Variants in ECT2L observed in about 807,000 individuals in gnomAD.
The protein encoded by ECT2L is epithelial cell transforming 2 like.
ECT2L carries 126 observed loss-of-function variants against 122.8 expected under a neutral mutation model. That is an observed-to-expected ratio of 1.03 (90% CI 0.89 to 1.19). The LOEUF (loss-of-function observed/expected upper bound fraction) is 1.19. Among genes scored for constraint, ECT2L ranks in the 50% most tolerant of loss-of-function variants. The probability of loss-of-function intolerance (pLI) is 0.00; values close to 1 mark genes in which losing one functional copy is unlikely to be tolerated. For synonymous variants in ECT2L, 385 were observed against 381.8 expected (o/e 1.01, Z -0.10); for missense variants, 1,012 against 1,064.1 (o/e 0.95, Z 0.68).
In ECT2L at chr6:138,844,500, G is replaced by T; in HGVS notation, c.684G>T (p.Gln228His). The T allele has an allele frequency of 6.2e-7, 1 of 1,614,144 alleles. No homozygotes were observed. Among genetic ancestry groups the T allele is most frequent in the Non-Finnish European group, 8.5e-7 (1 of 1,180,018 alleles). Residue 228 changes from glutamine (Q) to histidine (H), a missense_variant, in exon 7 of 22, where the codon CAG (glutamine) becomes CAT (histidine). By Grantham distance (24) the Gln-to-His change is conservative. Transcript: ENST00000541398. ...LKPRCQPRLS[Q>H]TVRERVGLHE... ...CCAGATGCCAACCACGCCTCTCCCA[G>T]ACTGTAAGGGAGCGAGTGGGATTAC...
At chr6:138,885,982 G>A (rs568072588) in intron 18 of ECT2L, 152 bp downstream of exon 18, 18 of 722,172 alleles carry the variant, frequency 2.5e-5, no homozygotes, top group South Asian at 4.8e-5. Flanking sequence ...AGTGTGTTCC[G>A]TGATTTCCAA....
At chr6:138,896,845 G>A (rs747295676) in intron 20 of ECT2L, among the ~76,000 whole-genome samples, 10 of 151,904 alleles carry the variant, frequency 6.6e-5, no homozygotes, top group East Asian at 1.9e-4. Flanking sequence ...ACGGGGTTTC[G>A]CCATGTTGGC....
chr6:138,842,497 T>C (rs938613043), intron 5 of ECT2L, among the ~76,000 whole-genome samples: 4 of 148,670 alleles, frequency 2.7e-5, no homozygotes, highest in Admixed American at 1.3e-4. Context: ...AAAGTCCGGG[T>C]GCGGTGGTTC....
rs369869496 is a variant in ECT2L, at chr6:138,847,803, GC to G, written c.903+1127del. Among the ~76,000 whole-genome samples, 392 of 152,258 alleles carry G rather than the reference GC, an allele frequency of 2.6e-3. 3 individuals carry two copies. Among genetic ancestry groups the G allele is most frequent in the South Asian group, 0.014 (67 of 4,830 alleles). ...CACTCTTTTAGCTTCACCCATTGAT[GC>G]TACATGTAGACCTCTGTGTCTGAAC... On this transcript the variant is annotated intron_variant, in intron 8 of 21. Transcript: ENST00000541398.
intron 13 of ECT2L, 92 bp downstream of exon 13, chr6:138,868,298 C>A: frequency 1.9e-6 from 2 of 1,080,824 alleles, no homozygotes; most frequent in Non-Finnish European, 2.7e-6. Flanking sequence ...ACCAGTTTAT[C>A]CCTTTCAGAG....
intron 12 of ECT2L, among the ~76,000 whole-genome samples, chr6:138,866,390 A>G (rs1778040567): frequency 5.3e-5 from 8 of 152,090 alleles, no homozygotes; most frequent in Admixed American, 5.2e-4. Context: ...AGCTGGGATT[A>G]CAGGTGTGCC....
At chr6:138,821,135 C>T (rs1351184145) in intron 4 of ECT2L, among the ~76,000 whole-genome samples, 2 of 152,234 alleles carry the variant, frequency 1.3e-5, no homozygotes, top group Admixed American at 1.3e-4. Context: ...TGAGCTGTCT[C>T]GTCCCTTCTA....
chr6:138,899,352 C>A (rs1388123448), intron 20 of ECT2L, among the ~76,000 whole-genome samples: 6 of 152,080 alleles, frequency 3.9e-5, no homozygotes. Flanking sequence ...AAGTGATTTC[C>A]ATTGCTGATT....
At chr6:138,804,498 C>T (rs993251111) in intron 1 of ECT2L, among the ~76,000 whole-genome samples, 2 of 152,080 alleles carry the variant, frequency 1.3e-5, no homozygotes, top group African/African-American at 4.8e-5. Context: ...TCTAGAAACA[C>T]AGCTCCCTTC....
intron 7 of ECT2L, 142 bp from the exon 8 acceptor site, chr6:138,846,397 C>T (rs1777220624): frequency 4.5e-6 from 3 of 660,696 alleles, no homozygotes; most frequent in South Asian, 7.8e-5. Flanking sequence ...CTACTGTCCT[C>T]ACAAAACACA....
At chr6:138,803,677 G>A (rs1456888454) in intron 1 of ECT2L, among the ~76,000 whole-genome samples, 3 of 152,154 alleles carry the variant, frequency 2.0e-5, no homozygotes, top group Non-Finnish European at 4.4e-5. Flanking sequence ...TTACACATGA[G>A]GAAACTGAGG....
chr6:138,817,126 G>GT (rs1215269969), intron 4 of ECT2L, among the ~76,000 whole-genome samples: 2 of 152,298 alleles, frequency 1.3e-5, no homozygotes, highest in Non-Finnish European at 2.9e-5. Flanking sequence ...ACACATGTCA[G>GT]TACTTCTTTC....
chr6:138,815,093 T>C (rs1367751521), intron 4 of ECT2L, among the ~76,000 whole-genome samples: 1 of 152,182 alleles, frequency 6.6e-6, no homozygotes. Context: ...TCCCCTTCCC[T>C]CATGTTATGT....
chr6:138,802,134 A>G (rs1264544680), intron 1 of ECT2L, among the ~76,000 whole-genome samples: 2 of 152,250 alleles, frequency 1.3e-5, no homozygotes, highest in Non-Finnish European at 2.9e-5. Context: ...AGAGGCCCAC[A>G]TGGGAGGGGA....
intron 8 of ECT2L, 151 bp downstream of exon 8, chr6:138,846,828 T>C: frequency 1.1e-6 from 1 of 910,554 alleles, no homozygotes; most frequent in East Asian, 2.8e-5. Flanking sequence ...CCAGGTGTGG[T>C]GGCACTAACT....
chr6:138,848,629 C>T (rs1409118945), intron 8 of ECT2L, among the ~76,000 whole-genome samples: 3 of 152,262 alleles, frequency 2.0e-5, no homozygotes, highest in South Asian at 2.1e-4. Flanking sequence ...CACTGATAAC[C>T]GGTGAGCTCA....
intron 4 of ECT2L, among the ~76,000 whole-genome samples, chr6:138,821,969 G>A (rs1776281941): frequency 6.6e-6 from 1 of 152,238 alleles, no homozygotes; most frequent in Non-Finnish European, 1.5e-5. Flanking sequence ...GGGACTGACT[G>A]TAGCCCAGAG....
At chr6:138,855,172 A>G (rs1777571872) in intron 10 of ECT2L, among the ~76,000 whole-genome samples, 1 of 151,866 alleles carries the variant, frequency 6.6e-6, no homozygotes, top group Non-Finnish European at 1.5e-5. Context: ...TATTCCAATT[A>G]TATTTATATA....
intron 13 of ECT2L, among the ~76,000 whole-genome samples, 167 bp downstream of exon 13, chr6:138,868,373 A>G: frequency 6.6e-6 from 1 of 152,138 alleles, no homozygotes; most frequent in East Asian, 1.9e-4. Flanking sequence ...TGGGCCCAAG[A>G]TGTGTTAAGT....
Sources: allele counts gnomAD v4.1 joint callset (sites outside exome capture counted in the v4.1 genomes callset), GRCh38; gene constraint gnomAD v4.1.1; transcripts MANE v1.5; gene names NCBI Gene and HGNC (gene_info 2026-07-23, HGNC 2026-07-21).